Variants in NEBL observed in about 807,000 individuals in gnomAD.
NEBL encodes the protein LIM and SH3 protein 2.
NEBL carries 122 observed loss-of-function variants against 140.2 expected under a neutral mutation model. The ratio of observed to expected loss-of-function variants is 0.87; its 90% CI spans 0.75 to 1.01. The LOEUF (loss-of-function observed/expected upper bound fraction) is 1.01, where lower values mean the gene tolerates loss of function less well. NEBL is among the 50% of genes least tolerant of loss of function. The pLI, the probability that NEBL is intolerant of heterozygous loss-of-function variation, is 0.00. For missense variants in NEBL, 1,365 were observed against 1,231.3 expected (o/e 1.11, Z -1.62); for synonymous variants, 436 against 398.9 (o/e 1.09, Z -1.11).
At position 21,265,778 on chromosome 10, in the gene NEBL, T is replaced by C. The variant is rs557377344; in HGVS notation, n.183-13950A>G. 8.5e-5 allele frequency among the ~76,000 whole-genome samples: 13 copies of C among 152,310 alleles called. No individual in the cohort carries two copies. In the East Asian group the frequency reaches 2.5e-3, roughly 29 times the overall value. ...GCCAGGCAGTCTCTGTCACAACTACTCAACTCTACCACTGGAATGTGAAGA... is the reference window on the plus strand; with the variant it reads ...GCCAGGCAGTCTCTGTCACAACTACCCAACTCTACCACTGGAATGTGAAGA... On this transcript the variant is annotated intron_variant and non_coding_transcript_variant, in intron 1 of 8. Transcript: ENST00000675702.
intron 4 of NEBL, among the ~76,000 whole-genome samples, chr10:20,922,328 A>G (rs1564444484): frequency 6.6e-6 from 1 of 152,188 alleles, no homozygotes; most frequent in Non-Finnish European, 1.5e-5. Context: ...CTCTGAATGC[A>G]CTAAGTGCTT....
chr10:21,080,550 A>G (rs1379784361), intron 2 of NEBL, among the ~76,000 whole-genome samples: 2 of 152,248 alleles, frequency 1.3e-5, no homozygotes. Flanking sequence ...AGGGTCTCAC[A>G]GACTAGAGGG....
At chr10:21,058,603 G>A (rs11012499) in intron 2 of NEBL, among the ~76,000 whole-genome samples, 61,210 of 151,812 alleles carry the variant, frequency 0.4, 12,387 homozygotes, top group Middle Eastern at 0.47. Flanking sequence ...TTATTTAATG[G>A]CATGTTTATC....
chr10:21,270,421 C>A (rs968865033), intron 1 of NEBL, among the ~76,000 whole-genome samples: 2 of 151,158 alleles, frequency 1.3e-5, no homozygotes, highest in African/African-American at 4.9e-5. Context: ...GGCTGCAGTG[C>A]AATGATGTGA....
rs182831762 is a variant in NEBL at position 21,247,549 on chromosome 10, T to C, written n.348+372A>G. Among the ~76,000 whole-genome samples, 99 of 152,300 alleles carry C rather than the reference T, an allele frequency of 6.5e-4. 1 individual carries two copies. Among genetic ancestry groups the C allele is most frequent in the African/African-American group, 2.3e-3 (95 of 41,566 alleles). Reference sequence around the variant, plus strand: ...CAGAGACATGGGGTCTTTCTAATTTTTCACCTCATCATCCTCAGCAAGTGG... The same window carrying C: ...CAGAGACATGGGGTCTTTCTAATTTCTCACCTCATCATCCTCAGCAAGTGG... On this transcript the variant is annotated intron_variant and non_coding_transcript_variant, in intron 3 of 8. Coordinates refer to the NEBL transcript ENST00000675702.
intron 1 of NEBL, among the ~76,000 whole-genome samples, chr10:21,286,251 C>G (rs1283973509): frequency 6.6e-6 from 1 of 152,196 alleles, no homozygotes; most frequent in Non-Finnish European, 1.5e-5. Context: ...TCACTGGAGA[C>G]AGAAAATACT....
intron 2 of NEBL, among the ~76,000 whole-genome samples, chr10:21,056,071 A>T (rs1835012720): frequency 6.6e-6 from 1 of 152,218 alleles, no homozygotes; most frequent in Non-Finnish European, 1.5e-5. Flanking sequence ...AAGAGCAACT[A>T]GTACTTGCTG....
intron 2 of NEBL, among the ~76,000 whole-genome samples, chr10:21,114,496 T>A (rs1307123007): frequency 1.3e-5 from 2 of 152,118 alleles, no homozygotes; most frequent in Non-Finnish European, 2.9e-5. Context: ...TGTCTATTTG[T>A]TCTACCAATT....
At chr10:21,123,827 A>C (rs1439546706) in intron 2 of NEBL, among the ~76,000 whole-genome samples, 1 of 150,822 alleles carries the variant, frequency 6.6e-6, no homozygotes, top group East Asian at 1.9e-4. Flanking sequence ...TTGGTTGTAT[A>C]TGTATATGTA....
At chr10:21,172,042 A>T in intron 2 of NEBL, 1 of 309,436 alleles carries the variant, frequency 3.2e-6, no homozygotes, top group South Asian at 3.7e-5. Flanking sequence ...AAATTGACAC[A>T]GGATTAAAAT....
At position 20,882,799 on chromosome 10, in the gene NEBL, A is replaced by G. The variant is rs148718489; in HGVS notation, c.370-1895T>C. 2.4e-3 allele frequency among the ~76,000 whole-genome samples: 359 copies of G among 152,204 alleles called. 10 individuals are homozygous for G. The East Asian group carries it at 0.053, about 23-fold the overall frequency. On this transcript the variant is annotated intron_variant, in intron 4 of 27. Transcript: ENST00000377122. Reference sequence around the variant, plus strand: ...TGTTTAATGCCCTCTCTGGACTGCCATCTAGTTTTTCAAAAACTTCCACTG... The same window carrying G: ...TGTTTAATGCCCTCTCTGGACTGCCGTCTAGTTTTTCAAAAACTTCCACTG...
At chr10:21,126,105 C>T in intron 2 of NEBL, 2 of 1,612,386 alleles carry the variant, frequency 1.2e-6, no homozygotes, top group Non-Finnish European at 1.7e-6. Context: ...TCTCGGCTCT[C>T]CGTTCTGCCT....
chr10:21,012,812 A>G (rs547609584), intron 3 of NEBL, among the ~76,000 whole-genome samples: 1 of 152,148 alleles, frequency 6.6e-6, no homozygotes, highest in South Asian at 2.1e-4. Flanking sequence ...TACAGCACTC[A>G]CACCTCCCTC....
chr10:21,092,835 G>A (rs912454904), intron 2 of NEBL, among the ~76,000 whole-genome samples: 2 of 151,930 alleles, frequency 1.3e-5, no homozygotes, highest in African/African-American at 4.8e-5. Context: ...AAAAGCCTTT[G>A]CCTTTTCACC....
rs1313251164 is a variant in NEBL, at chr10:20,782,308, T to A, written c.*3439A>T. 1 of 152,640 alleles carries A rather than the reference T, an allele frequency of 6.6e-6. No homozygotes were observed. Among genetic ancestry groups the A allele is most frequent in the East Asian group, 1.9e-4 (1 of 5,206 alleles). 9.5% of individuals were successfully genotyped at this position (152,640 alleles called of 1,614,324 possible). A position where few individuals can be genotyped will look rare whatever the true frequency, so the allele number is the denominator to read the frequency against. ...AATCAAAAAGGCACCTATATTTGTA[T>A]ATATCTGTATTACAGTTTTGGTATA... is the stretch of plus-strand genomic sequence containing the variant. On this transcript the variant is annotated 3_prime_UTR_variant, in exon 28 of 28. Transcript: ENST00000377122.
intron 3 of NEBL, among the ~76,000 whole-genome samples, chr10:20,998,971 G>T (rs1203394641): frequency 6.6e-6 from 1 of 152,204 alleles, no homozygotes; most frequent in Admixed American, 6.5e-5. Context: ...AACAAGTGAA[G>T]ATATGCTGGG....
At chr10:20,883,535 G>A (rs917632054) in intron 4 of NEBL, among the ~76,000 whole-genome samples, 9 of 152,192 alleles carry the variant, frequency 5.9e-5, no homozygotes, top group African/African-American at 2.2e-4. Flanking sequence ...CTCAGAGGTA[G>A]GGAGAGGAGG....
intron 3 of NEBL, among the ~76,000 whole-genome samples, chr10:21,207,351 T>C (rs927315345): frequency 1.3e-5 from 2 of 152,224 alleles, no homozygotes; most frequent in Non-Finnish European, 2.9e-5. Context: ...TCTAGTACTA[T>C]GTGACTTTCA....
chr10:21,136,972 G>T (rs1020780696), intron 2 of NEBL, among the ~76,000 whole-genome samples: 5 of 152,192 alleles, frequency 3.3e-5, no homozygotes, highest in African/African-American at 1.2e-4. Context: ...CTTTAAATCA[G>T]TGCTTTCTGG....
Sources: gnomAD v4.1 joint callset for allele counts (sites outside exome capture counted in the v4.1 genomes callset) on GRCh38, gnomAD v4.1.1 for gene constraint, MANE v1.5 for transcripts, NCBI Gene and HGNC (gene_info 2026-07-23, HGNC 2026-07-21) for gene names.